Variants in NT5C2 observed in about 807,000 individuals in gnomAD.
NT5C2 encodes cytosolic purine 5'-nucleotidase.
Under a neutral mutation model 76.1 loss-of-function variants are expected in NT5C2, and 58 were observed. The observed-to-expected ratio is 0.76, with a 90% CI of 0.62 to 0.95. The LOEUF is 0.95. Among genes scored for constraint, NT5C2 ranks in the 40% least tolerant of loss-of-function variants. NT5C2 has a pLI of 0.00. For missense variants in NT5C2, 478 were observed against 690.3 expected (o/e 0.69, Z 3.45); for synonymous variants, 229 against 237.4 (o/e 0.96, Z 0.32).
intron 1 of NT5C2, among the ~76,000 whole-genome samples, chr10:103,186,548 A>G (rs1004321982): frequency 1.4e-4 from 21 of 152,250 alleles, no homozygotes; most frequent in Non-Finnish European, 2.8e-4. Context: ...TCTCAGACCT[A>G]GAGAGAATTA....
rs1554911297 is a variant in NT5C2 at position 103,088,049 on chromosome 10, A to ATATT, written c.*1619_*1622dup. On this transcript the variant is annotated 3_prime_UTR_variant, in exon 19 of 19. Coordinates refer to ENST00000404739, the MANE Select transcript of NT5C2 (RefSeq NM_001351169.2). Reference sequence around the variant, plus strand: ...ATGTTAGAACATAATCAGTTCTTGAATATTTATTTCCTTTAAGAGAATATC... The same window carrying ATATT: ...ATGTTAGAACATAATCAGTTCTTGAATATTTATTTATTTCCTTTAAGAGAATATC... 1 of 152,118 alleles carries ATATT rather than the reference A, an allele frequency of 6.6e-6. No homozygotes were observed. Among genetic ancestry groups the ATATT allele is most frequent in the Non-Finnish European group, 1.5e-5 (1 of 67,932 alleles). The allele number at this position is 152,118 out of a possible 1,614,324, so 9.4% of individuals were successfully genotyped here.
chr10:103,105,193 A>C (rs558615695), intron 6 of NT5C2, among the ~76,000 whole-genome samples: 1 of 152,194 alleles, frequency 6.6e-6, no homozygotes, highest in South Asian at 2.1e-4. Context: ...ATTAGCACAT[A>C]TTCACTTTAA....
At chr10:103,125,296 T>TAAAA in intron 4 of NT5C2, 2 of 448,858 alleles carry the variant, frequency 4.5e-6, no homozygotes, top group South Asian at 2.1e-5. Flanking sequence ...TTGTCACAGT[T>TAAAA]AAAAAAAAAA....
chr10:103,146,291 T>G, intron 3 of NT5C2: 1 of 985,486 alleles, frequency 1.0e-6, no homozygotes, highest in Non-Finnish European at 1.2e-6. Context: ...AGAATTTCTT[T>G]GGCAATGGTG....
intron 3 of NT5C2, among the ~76,000 whole-genome samples, chr10:103,150,341 A>G (rs2082189930): frequency 6.6e-6 from 1 of 152,202 alleles, no homozygotes; most frequent in African/African-American, 2.4e-5. Flanking sequence ...TCTGAGATTC[A>G]TCCATGTTGC....
In NT5C2 at chr10:103,097,543, A is replaced by G. The variant is rs1000766478; in HGVS notation, c.688-169T>C. Among the ~76,000 whole-genome samples, 8 of 152,380 alleles carry G rather than the reference A, an allele frequency of 5.3e-5. 2 individuals carry two copies. Among genetic ancestry groups the G allele is most frequent in the Admixed American group, 5.2e-4 (8 of 15,304 alleles). Reference sequence around the variant, plus strand: ...GCCCACATTATCACTATAAATGAATAAAGTATTAACATATGTAGTATACAC... The same window carrying G: ...GCCCACATTATCACTATAAATGAATGAAGTATTAACATATGTAGTATACAC... On this transcript the variant is annotated intron_variant, in intron 10 of 18. Transcript: ENST00000404739.
rs1283225731 is a variant in NT5C2 at position 103,148,371 on chromosome 10, G to A, written c.102-8892C>T. The stretch of plus-strand genomic sequence containing the variant: ...TAATCCCAGCACTTTGGGAGGCTGA[G>A]GCGGGTGGATCACGAGGTCAGGAGA... On this transcript the variant is annotated intron_variant, in intron 3 of 18. Coordinates refer to ENST00000404739, the MANE Select transcript of NT5C2 (RefSeq NM_001351169.2). 3.9e-5 allele frequency among the ~76,000 whole-genome samples: 6 copies of A among 152,238 alleles called. No individual in the cohort carries two copies. In the East Asian group the frequency reaches 1.2e-3, roughly 29 times the overall value.
At chr10:103,107,058 G>GT (rs1229409723) in intron 4 of NT5C2, among the ~76,000 whole-genome samples, 3 of 151,972 alleles carry the variant, frequency 2.0e-5, no homozygotes, top group Non-Finnish European at 4.4e-5. Context: ...GATATTAATC[G>GT]TGAGAATAAA....
chr10:103,191,382 CAAAA>C (rs768556332), intron 1 of NT5C2, among the ~76,000 whole-genome samples: 1 of 66,844 alleles, frequency 1.5e-5, no homozygotes. Context: ...AGCTCCGTCT[CAAAA>C]AAAAAAAAAA....
Position 103,137,390 on chromosome 10 carries a change from G to A in NT5C2, c.175+2016C>T, listed in dbSNP as rs117194930. On this transcript the variant is annotated intron_variant, in intron 4 of 18. Coordinates refer to ENST00000404739, the MANE Select transcript of NT5C2 (RefSeq NM_001351169.2). ...ACAAATAAATGACAAAGAGTATGGAGGGAAGAGAAAAATTCAAATCAGGAA... is the reference window on the plus strand; with the variant it reads ...ACAAATAAATGACAAAGAGTATGGAAGGAAGAGAAAAATTCAAATCAGGAA... Among the ~76,000 whole-genome samples, 57 of 152,302 alleles carry A rather than the reference G, an allele frequency of 3.7e-4. No individual in the cohort carries two copies. In the East Asian group the frequency reaches 0.01, roughly 27 times the overall value.
At chr10:103,143,271 C>G (rs2080862306) in intron 3 of NT5C2, among the ~76,000 whole-genome samples, 2 of 152,120 alleles carry the variant, frequency 1.3e-5, no homozygotes, top group Non-Finnish European at 1.5e-5. Flanking sequence ...AAAGCCTGGG[C>G]TGGGCTCCCC....
chr10:103,107,440 C>T (rs955221437), intron 4 of NT5C2, among the ~76,000 whole-genome samples: 3 of 152,024 alleles, frequency 2.0e-5, no homozygotes, highest in African/African-American at 7.2e-5. Flanking sequence ...TTTGAGAAGC[C>T]GAGGCGGGCA....
At chr10:103,150,016 A>C (rs990641226) in intron 3 of NT5C2, among the ~76,000 whole-genome samples, 1 of 152,114 alleles carries the variant, frequency 6.6e-6, no homozygotes, top group East Asian at 1.9e-4. Context: ...ACAAAATTTT[A>C]AATCAGCAGG....
intron 8 of NT5C2, 191 bp downstream of exon 8, chr10:103,100,854 C>T: frequency 4.4e-6 from 3 of 683,828 alleles, no homozygotes; most frequent in Non-Finnish European, 8.1e-6. Context: ...GGAGAGGGGC[C>T]GTGTGGGAGG....
chr10:103,105,666 C>T (rs1315143837), intron 6 of NT5C2, 40 bp downstream of exon 6: 3 of 1,320,184 alleles, frequency 2.3e-6, no homozygotes, highest in African/African-American at 2.9e-5. Context: ...CATTGTTTGA[C>T]TTTAACATTA....
chr10:103,090,853 G>A (rs773498396), intron 17 of NT5C2, 66 bp from the exon 18 acceptor site: 22 of 1,590,756 alleles, frequency 1.4e-5, no homozygotes, highest in Non-Finnish European at 1.9e-5. Context: ...GTAGTTGAAT[G>A]CTAGTCTCTA....
At chr10:103,102,531 CTTTTTTT>C (rs775499358) in intron 6 of NT5C2, among the ~76,000 whole-genome samples, 2 of 143,936 alleles carry the variant, frequency 1.4e-5, no homozygotes, top group East Asian at 2.0e-4. Context: ...TTTCTTTTTT[CTTTTTTT>C]TTTTTTGAGA....
intron 4 of NT5C2, among the ~76,000 whole-genome samples, chr10:103,136,106 CT>C (rs2079173391): frequency 6.6e-6 from 1 of 152,018 alleles, no homozygotes; most frequent in African/African-American, 2.4e-5. Flanking sequence ...AACCCTCTTT[CT>C]TTTGTAAATT....
At chr10:103,111,976 T>C (rs1218717918) in intron 4 of NT5C2, among the ~76,000 whole-genome samples, 2 of 152,220 alleles carry the variant, frequency 1.3e-5, no homozygotes, top group Admixed American at 6.5e-5. Context: ...ATTAGCCTAA[T>C]TGGCCATAAC....
Sources: gnomAD v4.1 joint callset for allele counts (sites outside exome capture counted in the v4.1 genomes callset) on GRCh38, gnomAD v4.1.1 for gene constraint, MANE v1.5 for transcripts, NCBI Gene and HGNC (gene_info 2026-07-23, HGNC 2026-07-21) for gene names.